ROBO2: variants seen among roughly 807,000 people sequenced by gnomAD.
The protein encoded by ROBO2 is roundabout guidance receptor 2.
In ROBO2, 53 loss-of-function variants were observed where a neutral mutation model predicts 160.8. The ratio of observed to expected loss-of-function variants is 0.33; its 90% CI spans 0.26 to 0.41. The LOEUF (loss-of-function observed/expected upper bound fraction) is 0.41, where lower values mean the gene tolerates loss of function less well. ROBO2 is among the 10% of genes least tolerant of loss of function. The pLI is 1.00. For synonymous variants in ROBO2, 664 were observed against 611.7 expected (o/e 1.09, Z -1.26); for missense variants, 1,577 against 1,722.4 (o/e 0.92, Z 1.49).
chr3:76,091,172 T>C (rs908882978), intron 2 of ROBO2, among the ~76,000 whole-genome samples: 14 of 152,104 alleles, frequency 9.2e-5, no homozygotes, highest in African/African-American at 3.4e-4. Flanking sequence ...CAACTGAGAA[T>C]GAATATTTGC....
intron 20 of ROBO2, among the ~76,000 whole-genome samples, chr3:77,604,461 C>T (rs963026124): frequency 6.6e-6 from 1 of 152,028 alleles, no homozygotes; most frequent in South Asian, 2.1e-4. Flanking sequence ...ATTGCCACCA[C>T]CAAGTTTTAA....
intron 2 of ROBO2, among the ~76,000 whole-genome samples, chr3:76,615,976 T>G (rs558265461): frequency 7.9e-5 from 12 of 152,186 alleles, no homozygotes; most frequent in Non-Finnish European, 7.3e-5. Flanking sequence ...GAGTCCTACA[T>G]AGTTCAGACC....
intron 1 of ROBO2, among the ~76,000 whole-genome samples, chr3:77,095,245 C>T (rs1433838632): frequency 6.6e-6 from 1 of 152,050 alleles, no homozygotes; most frequent in Non-Finnish European, 1.5e-5. Context: ...GTACTATAAT[C>T]TTTATGTAAC....
chr3:76,031,459 C>G (rs1434572544), intron 2 of ROBO2, among the ~76,000 whole-genome samples: 1 of 151,984 alleles, frequency 6.6e-6, no homozygotes, highest in Non-Finnish European at 1.5e-5. Flanking sequence ...AAGGGAATGC[C>G]TACAGTTTTT....
intron 2 of ROBO2, among the ~76,000 whole-genome samples, chr3:76,381,569 T>C (rs1320696199): frequency 6.6e-6 from 1 of 152,134 alleles, no homozygotes; most frequent in Non-Finnish European, 1.5e-5. Flanking sequence ...CAGGGTGATC[T>C]CAATCTCCTG....
At chr3:76,234,863 A>C (rs546727518) in intron 2 of ROBO2, among the ~76,000 whole-genome samples, 1 of 152,264 alleles carries the variant, frequency 6.6e-6, no homozygotes, top group South Asian at 2.1e-4. Flanking sequence ...TGGAAGAAGA[A>C]AACTCATTTC....
chr3:76,434,351 C>T (rs1435492777), intron 2 of ROBO2: 52 of 1,354,926 alleles, frequency 3.8e-5, no homozygotes, highest in African/African-American at 3.0e-4. Flanking sequence ...GATAAGCTTT[C>T]GGGAGAAGAA....
intron 2 of ROBO2, among the ~76,000 whole-genome samples, chr3:77,411,457 C>T (rs1012870268): frequency 6.6e-5 from 10 of 152,158 alleles, no homozygotes; most frequent in Admixed American, 1.3e-4. Context: ...TGTTTTAAAT[C>T]GTGAAAGATT....
At chr3:77,451,777 T>A (rs954406126) in intron 2 of ROBO2, among the ~76,000 whole-genome samples, 73 of 151,736 alleles carry the variant, frequency 4.8e-4, no homozygotes, top group Non-Finnish European at 8.5e-4. Flanking sequence ...CCTTTTTTTT[T>A]AATTTTTTTA....
At chr3:77,395,279 C>CA (rs1307294663) in intron 2 of ROBO2, among the ~76,000 whole-genome samples, 3 of 152,062 alleles carry the variant, frequency 2.0e-5, no homozygotes, top group African/African-American at 7.2e-5. Flanking sequence ...ACTAGGATAA[C>CA]AAAAATAATG....
At chr3:77,642,831 T>A (rs1478532469) in intron 24 of ROBO2, 1 of 456,524 alleles carries the variant, frequency 2.2e-6, no homozygotes, top group African/African-American at 2.0e-5. Context: ...GCTCATTGGA[T>A]TGTCCAGCTA....
intron 2 of ROBO2, among the ~76,000 whole-genome samples, chr3:77,369,365 A>T (rs535209795): frequency 6.6e-6 from 1 of 152,302 alleles, no homozygotes; most frequent in African/African-American, 2.4e-5. Context: ...CAGGTTTCAC[A>T]AAAATGTGTA....
chr3:76,111,626 A>G (rs1488482949), intron 2 of ROBO2, among the ~76,000 whole-genome samples: 1 of 152,022 alleles, frequency 6.6e-6, no homozygotes, highest in East Asian at 1.9e-4. Context: ...AGTAGTTTTC[A>G]TCACACAGGA....
At chr3:76,393,674 A>G (rs1476720837) in intron 2 of ROBO2, among the ~76,000 whole-genome samples, 1 of 152,150 alleles carries the variant, frequency 6.6e-6, no homozygotes, top group Non-Finnish European at 1.5e-5. Context: ...GTGAAGGAAA[A>G]ATTACCCAGA....
chr3:76,948,991 T>C (rs2078789639), intron 2 of ROBO2, among the ~76,000 whole-genome samples: 2 of 143,364 alleles, frequency 1.4e-5, no homozygotes, highest in Non-Finnish European at 3.0e-5. Flanking sequence ...CCTGAGGTGA[T>C]CCACCCGCCT....
chr3:76,262,540 T>A (rs890554158), intron 2 of ROBO2, among the ~76,000 whole-genome samples: 2 of 152,178 alleles, frequency 1.3e-5, no homozygotes, highest in Admixed American at 1.3e-4. Flanking sequence ...TTTTCTGGAC[T>A]GCTCCTTTAC....
intron 2 of ROBO2, among the ~76,000 whole-genome samples, chr3:76,796,824 T>C (rs2108792777): frequency 6.6e-6 from 1 of 152,028 alleles, no homozygotes; most frequent in Non-Finnish European, 1.5e-5. Flanking sequence ...CAAAATAGAC[T>C]TCAAGATAAA....
At chr3:76,738,160 G>C (rs930901496) in intron 2 of ROBO2, among the ~76,000 whole-genome samples, 1 of 151,982 alleles carries the variant, frequency 6.6e-6, no homozygotes, top group Non-Finnish European at 1.5e-5. Context: ...AAAAAAAAGA[G>C]AAGAAAGGCC....
chr3:76,619,223 C>T (rs2088856713), intron 2 of ROBO2, among the ~76,000 whole-genome samples: 1 of 151,384 alleles, frequency 6.6e-6, no homozygotes, highest in African/African-American at 2.4e-5. Flanking sequence ...GCCTGTAGTC[C>T]CAGCTACTTG....
Sources: gnomAD v4.1 joint callset for allele counts (sites outside exome capture counted in the v4.1 genomes callset) on GRCh38, gnomAD v4.1.1 for gene constraint, MANE v1.5 for transcripts, NCBI Gene and HGNC (gene_info 2026-07-23, HGNC 2026-07-21) for gene names.